Variants in TLCD4 observed in about 807,000 individuals in gnomAD.
TLCD4 encodes the protein TLC domain containing 4.
Under a neutral mutation model 24.2 loss-of-function variants are expected in TLCD4, and 7 were observed. The observed-to-expected ratio is 0.29, with a 90% confidence interval of 0.16 to 0.54. The LOEUF is 0.54. TLCD4 is among the 20% of genes least tolerant of loss of function. TLCD4 has a pLI of 0.95. For synonymous variants in TLCD4, 103 were observed against 106.4 expected, an observed-to-expected ratio of 0.97 and a Z score of 0.20; for missense variants, 259 against 313.9, an observed-to-expected ratio of 0.82 and a Z score of 1.32.
In TLCD4 at chr1:95,186,432, C is replaced by G. The variant is rs1381623142; in HGVS notation, c.474-5118C>G. ...AGAACGGAGGGTGCTGATGTGTGTT[C>G]TGAAGTTAACTTGGAGTTTGGATTA... On this transcript the variant is annotated intron_variant, in intron 6 of 6. Coordinates refer to ENST00000370203, the MANE Select transcript of TLCD4 (RefSeq NM_152487.3). 3.9e-5 allele frequency among the ~76,000 whole-genome samples: 6 copies of G among 152,052 alleles called. No individual in the cohort carries two copies. In the East Asian group the frequency reaches 1.2e-3, roughly 29 times the overall value.
chr1:95,171,177 T>C, intron 5 of TLCD4, among the ~76,000 whole-genome samples: 1 of 152,162 alleles, frequency 6.6e-6, no homozygotes, highest in East Asian at 1.9e-4. Context: ...GTCTCGAACC[T>C]CTAGGCTCAA....
chr1:95,123,828 T>C (rs567894678), intron 1 of TLCD4, among the ~76,000 whole-genome samples: 4 of 152,372 alleles, frequency 2.6e-5, no homozygotes, highest in African/African-American at 9.6e-5. Flanking sequence ...CTAATAATGT[T>C]TTGATAAACA....
rs1038448588 is a variant in TLCD4, at chr1:95,195,183, C to G, written c.*3315C>G. The G allele has an allele frequency of 5.9e-5, 9 of 152,148 alleles. No homozygotes were observed. Among genetic ancestry groups the G allele is most frequent in the East Asian group, 1.9e-4 (1 of 5,188 alleles). The allele number at this position is 152,148 out of a possible 1,614,324, so 9.4% of individuals were successfully genotyped here. A position where few individuals can be genotyped will look rare whatever the true frequency, so the allele number is the denominator to read the frequency against. ...TCAACTTTTAAATTGTATATTTCCT[C>G]TGAGGCACACTGGGCATTTGGAGAA... is the stretch of plus-strand genomic sequence containing the variant. On this transcript the variant is annotated 3_prime_UTR_variant, in exon 7 of 7. Transcript: ENST00000370203.
rs182660092 is a variant in TLCD4, at chr1:95,162,409, T to C, written c.399+10990T>C. ...TGTATGTGTGTCTTTGCATGTGAGA[T>C]GGGTTTCCTGAATACAGCACACTGA... On this transcript the variant is annotated intron_variant, in intron 5 of 6. Coordinates refer to ENST00000370203, the MANE Select transcript of TLCD4 (RefSeq NM_152487.3). Among the ~76,000 whole-genome samples the C allele has an allele frequency of 2.2e-4, 32 of 147,194 alleles. No homozygotes were observed. In the East Asian group the frequency reaches 5.9e-3, roughly 27 times the overall value.
intron 5 of TLCD4, among the ~76,000 whole-genome samples, chr1:95,151,642 GAGAC>G (rs1261682783): frequency 1.3e-5 from 2 of 152,078 alleles, no homozygotes; most frequent in Non-Finnish European, 2.9e-5. Flanking sequence ...CATAGATTTT[GAGAC>G]AGACAAATGA....
At chr1:95,121,713 G>A (rs1005409117) in intron 1 of TLCD4, among the ~76,000 whole-genome samples, 6 of 152,136 alleles carry the variant, frequency 3.9e-5, no homozygotes, top group East Asian at 3.9e-4. Flanking sequence ...CAAGTGATCC[G>A]CCCAACTCAG....
chr1:95,143,818 ATTTC>A, intron 1 of TLCD4, 69 bp from the exon 2 acceptor site: 1 of 1,264,578 alleles, frequency 7.9e-7, no homozygotes, highest in East Asian at 2.9e-5. Flanking sequence ...TACAAGACAT[ATTTC>A]TTAAAATAAA....
chr1:95,128,555 TTTC>T (rs1386263438), intron 1 of TLCD4, among the ~76,000 whole-genome samples: 1 of 152,198 alleles, frequency 6.6e-6, no homozygotes, highest in Non-Finnish European at 1.5e-5. Flanking sequence ...GGAGAAATGA[TTTC>T]TTGGAACAGC....
At position 95,196,009 on chromosome 1, in the gene TLCD4, C is replaced by T. The variant is rs950413253; in HGVS notation, c.*4141C>T. On this transcript the variant is annotated 3_prime_UTR_variant, in exon 7 of 7. Coordinates refer to ENST00000370203, the MANE Select transcript of TLCD4 (RefSeq NM_152487.3). The stretch of plus-strand genomic sequence containing the variant: ...AAATTTAAAAGTTTACAAATAGGTT[C>T]TCTCATTGAAAAAAAGCATTGTAGT... The T allele has an allele frequency of 1.3e-5, 2 of 152,002 alleles. No homozygotes were observed. The highest frequency in any genetic ancestry group is 4.8e-5 in the African/African-American group (2 of 41,380). The allele number at this position is 152,002 out of a possible 1,614,324, so 9.4% of individuals were successfully genotyped here. A position where few individuals can be genotyped will look rare whatever the true frequency, so the allele number is the denominator to read the frequency against.
chr1:95,112,563 CTAGAAAGGCAT>C (rs1425196414), upstream of TLCD4, among the ~76,000 whole-genome samples: 1 of 152,076 alleles, frequency 6.6e-6, no homozygotes, highest in African/African-American at 2.4e-5. Flanking sequence ...GGAGTGGGAA[CTAGAAAGGCAT>C]TAGACATTTC....
At position 95,162,202 on chromosome 1, in the gene TLCD4, A is replaced by G. The variant is rs796900943; in HGVS notation, c.399+10783A>G. On this transcript the variant is annotated intron_variant, in intron 5 of 6. Coordinates refer to ENST00000370203, the MANE Select transcript of TLCD4 (RefSeq NM_152487.3). ...GGGTGCTCCTGTATTGGGTGCATATATATTTAGGATAGTTAGCTCTTCTTG... is the reference window on the plus strand; with the variant it reads ...GGGTGCTCCTGTATTGGGTGCATATGTATTTAGGATAGTTAGCTCTTCTTG... 3.3e-5 allele frequency among the ~76,000 whole-genome samples: 5 copies of G among 152,118 alleles called. No individual in the cohort carries two copies. In the South Asian group the frequency reaches 8.3e-4, roughly 25 times the overall value.
chr1:95,137,978 T>G (rs928375957), intron 1 of TLCD4, among the ~76,000 whole-genome samples: 3 of 152,062 alleles, frequency 2.0e-5, no homozygotes, highest in Admixed American at 6.6e-5. Flanking sequence ...CCTGAAGCAG[T>G]CCTCCTACCT....
At chr1:95,186,637 A>C (rs1368638574) in intron 6 of TLCD4, among the ~76,000 whole-genome samples, 2 of 152,244 alleles carry the variant, frequency 1.3e-5, no homozygotes, top group Admixed American at 1.3e-4. Context: ...ATGTAGTCAA[A>C]GAAATGAATG....
chr1:95,143,520 T>C (rs927517337), intron 1 of TLCD4, among the ~76,000 whole-genome samples: 1 of 152,132 alleles, frequency 6.6e-6, no homozygotes, highest in African/African-American at 2.4e-5. Context: ...AGATGAGAAA[T>C]TGAGGGATAA....
intron 5 of TLCD4, chr1:95,165,015 A>G (rs1470668770): frequency 6.6e-6 from 1 of 152,180 alleles, no homozygotes; most frequent in Non-Finnish European, 1.5e-5. Flanking sequence ...CAGCTCCCAC[A>G]TACCTGCTCC....
intron 2 of TLCD4, among the ~76,000 whole-genome samples, chr1:95,145,641 A>G (rs778722847): frequency 6.6e-6 from 1 of 152,218 alleles, no homozygotes; most frequent in Non-Finnish European, 1.5e-5. Context: ...AAGGGGGTAC[A>G]TACGTTCTCT....
chr1:95,123,101 G>C (rs1004185876), intron 1 of TLCD4, among the ~76,000 whole-genome samples: 10 of 152,084 alleles, frequency 6.6e-5, no homozygotes, highest in African/African-American at 2.4e-4. Context: ...GAGCCACTGC[G>C]CCTAACCCGG....
intron 5 of TLCD4, among the ~76,000 whole-genome samples, chr1:95,155,750 GTT>G (rs35423088): frequency 0.39 from 56,306 of 143,772 alleles, 11,988 homozygotes; most frequent in Middle Eastern, 0.55. Flanking sequence ...ACTCACAGAG[GTT>G]TTTTTTTTTT....
chr1:95,149,480 C>T (rs1677433557), intron 3 of TLCD4, among the ~76,000 whole-genome samples: 2 of 152,092 alleles, frequency 1.3e-5, no homozygotes, highest in African/African-American at 4.8e-5. Context: ...GCAATTTAGC[C>T]TTTTCTTTTG....
Sources: gnomAD v4.1 joint callset for allele counts (sites outside exome capture counted in the v4.1 genomes callset) on GRCh38, gnomAD v4.1.1 for gene constraint, MANE v1.5 for transcripts, NCBI Gene and HGNC (gene_info 2026-07-23, HGNC 2026-07-21) for gene names.